The following KHDRBS2 variants were observed in gnomAD, a reference collection of about 807,000 sequenced individuals.
KHDRBS2 encodes KH domain-containing, RNA-binding, signal transduction-associated protein 2.
A neutral mutation model predicts 44.3 loss-of-function variants in KHDRBS2; 26 were observed. That is an observed-to-expected ratio of 0.59 (90% CI 0.43 to 0.81). The LOEUF is 0.81. KHDRBS2 is among the 40% of genes least tolerant of loss of function. KHDRBS2 has a pLI of 0.00. For synonymous variants in KHDRBS2, 194 were observed against 151.1 expected (o/e 1.28, Z -2.08); for missense variants, 476 against 433.1 (o/e 1.10, Z -0.88).
chr6:62,223,115 C>A (rs1831172551), intron 1 of KHDRBS2, among the ~76,000 whole-genome samples: 1 of 152,244 alleles, frequency 6.6e-6, no homozygotes, highest in Non-Finnish European at 1.5e-5. Flanking sequence ...TTCTCCATGA[C>A]AGCCCCACCC....
chr6:61,834,598 T>C (rs1169937532), intron 6 of KHDRBS2, among the ~76,000 whole-genome samples: 1 of 152,054 alleles, frequency 6.6e-6, no homozygotes, highest in Non-Finnish European at 1.5e-5. Context: ...AATGCAAAGA[T>C]GTCACTATGC....
At chr6:62,098,733 A>G (rs543829345) in intron 2 of KHDRBS2, among the ~76,000 whole-genome samples, 2 of 152,080 alleles carry the variant, frequency 1.3e-5, no homozygotes, top group South Asian at 4.1e-4. Context: ...TATTCTTTCT[A>G]CCCCTTTGAC....
At chr6:61,575,117 C>A in the KHDRBS2 span, among the ~76,000 whole-genome samples, 5 of 152,236 alleles carry the variant, frequency 3.3e-5, no homozygotes, top group East Asian at 5.8e-4. Flanking sequence ...ATAGATGGCA[C>A]CTAATTAAAC....
At chr6:61,735,634 T>G (rs1033007420) in intron 6 of KHDRBS2, among the ~76,000 whole-genome samples, 2 of 152,184 alleles carry the variant, frequency 1.3e-5, no homozygotes, top group Non-Finnish European at 2.9e-5. Context: ...CCAAACCAAC[T>G]GTTTTGTACA....
intron 2 of KHDRBS2, among the ~76,000 whole-genome samples, chr6:62,166,458 CA>C (rs536995400): frequency 6.6e-6 from 1 of 151,930 alleles, no homozygotes; most frequent in Non-Finnish European, 1.5e-5. Flanking sequence ...TTTATGTTCA[CA>C]ATGGTTTATC....
chr6:61,896,897 C>T (rs1184369352), intron 5 of KHDRBS2, among the ~76,000 whole-genome samples: 4 of 152,148 alleles, frequency 2.6e-5, no homozygotes, highest in Admixed American at 2.0e-4. Flanking sequence ...GGACTATTAT[C>T]TGGAAAATGT....
chr6:62,102,412 A>G (rs1321070595), intron 2 of KHDRBS2, among the ~76,000 whole-genome samples: 1 of 152,086 alleles, frequency 6.6e-6, no homozygotes. Flanking sequence ...GGCACCCAAA[A>G]CCTCAGAGAC....
chr6:62,229,531 G>C (rs1297374086), intron 1 of KHDRBS2, among the ~76,000 whole-genome samples: 1 of 152,106 alleles, frequency 6.6e-6, no homozygotes, highest in Non-Finnish European at 1.5e-5. Flanking sequence ...GGTGCTTGTT[G>C]CCCCTCCCCA....
intron 1 of KHDRBS2, among the ~76,000 whole-genome samples, chr6:62,200,993 C>A (rs1212676500): frequency 2.6e-5 from 4 of 152,102 alleles, no homozygotes; most frequent in Non-Finnish European, 5.9e-5. Context: ...GGACAAAAAA[C>A]CAAACACCGC....
At chr6:62,140,375 A>C (rs1010551262) in intron 2 of KHDRBS2, among the ~76,000 whole-genome samples, 11 of 152,222 alleles carry the variant, frequency 7.2e-5, no homozygotes, top group Non-Finnish European at 1.5e-4. Context: ...TAGATAAATA[A>C]TTCTGACAGC....
intron 2 of KHDRBS2, among the ~76,000 whole-genome samples, chr6:62,166,905 A>C (rs936134547): frequency 6.6e-6 from 1 of 152,088 alleles, no homozygotes; most frequent in Non-Finnish European, 1.5e-5. Context: ...TCACTGAGTT[A>C]AACAAACAAA....
intron 6 of KHDRBS2, among the ~76,000 whole-genome samples, chr6:61,771,170 A>G (rs1780829008): frequency 6.6e-6 from 1 of 152,222 alleles, no homozygotes; most frequent in African/African-American, 2.4e-5. Flanking sequence ...CTGCCCTAAA[A>G]GAACTCCTGA....
chr6:62,195,184 G>A (rs906101266), intron 1 of KHDRBS2, among the ~76,000 whole-genome samples: 1 of 152,038 alleles, frequency 6.6e-6, no homozygotes, highest in East Asian at 1.9e-4. Flanking sequence ...CTCCTTTGAT[G>A]CTATTGTAAA....
intron 7 of KHDRBS2, among the ~76,000 whole-genome samples, chr6:61,704,516 G>A (rs76965140): frequency 2.0e-5 from 3 of 151,874 alleles, no homozygotes; most frequent in East Asian, 2.0e-4. Context: ...GAGTGACCGC[G>A]TATCAGTATT....
chr6:62,227,540 C>A (rs756660503), intron 1 of KHDRBS2, among the ~76,000 whole-genome samples: 14 of 152,042 alleles, frequency 9.2e-5, no homozygotes, highest in African/African-American at 2.9e-4. Flanking sequence ...AACTGCCCTG[C>A]CCAGAACTTC....
chr6:61,578,636 C>T, the KHDRBS2 span, among the ~76,000 whole-genome samples: 20 of 152,016 alleles, frequency 1.3e-4, no homozygotes, highest in Admixed American at 1.1e-3. Flanking sequence ...AGTGGGCCTG[C>T]CCCATTGCGT....
intron 6 of KHDRBS2, among the ~76,000 whole-genome samples, chr6:61,770,959 G>A (rs1418676632): frequency 6.6e-6 from 1 of 152,146 alleles, no homozygotes; most frequent in Non-Finnish European, 1.5e-5. Flanking sequence ...ACCCACAAAG[G>A]GAAGCCCATC....
At chr6:62,168,314 T>C (rs550131765) in intron 2 of KHDRBS2, among the ~76,000 whole-genome samples, 11 of 152,220 alleles carry the variant, frequency 7.2e-5, no homozygotes, top group African/African-American at 2.6e-4. Flanking sequence ...GCAAATTTAA[T>C]TGAAGAAAAG....
intron 4 of KHDRBS2, among the ~76,000 whole-genome samples, chr6:61,974,420 A>G (rs1772074118): frequency 6.6e-6 from 1 of 152,156 alleles, no homozygotes. Flanking sequence ...GGAGTGCATC[A>G]ACATTATTGA....
Sources: gnomAD v4.1 joint callset for allele counts (sites outside exome capture counted in the v4.1 genomes callset) on GRCh38, gnomAD v4.1.1 for gene constraint, MANE v1.5 for transcripts, NCBI Gene and HGNC (gene_info 2026-07-23, HGNC 2026-07-21) for gene names.